FBXL17: variants seen among roughly 807,000 people sequenced by gnomAD.
The protein encoded by FBXL17 is F-box/LRR-repeat protein 17.
In FBXL17, 22 loss-of-function variants were observed where a neutral mutation model predicts 66.2. That is an observed-to-expected ratio of 0.33 (90% CI 0.24 to 0.47). FBXL17 has a LOEUF of 0.47. Among genes scored for constraint, FBXL17 ranks in the 20% least tolerant of loss-of-function variants. The probability of loss-of-function intolerance (pLI) is 1.00; values close to 1 mark genes in which losing one functional copy is unlikely to be tolerated. For missense variants in FBXL17, 878 were observed against 948.2 expected (o/e 0.93, Z 0.97); for synonymous variants, 474 against 400.5 (o/e 1.18, Z -2.19).
intron 4 of FBXL17, among the ~76,000 whole-genome samples, chr5:108,249,364 T>C (rs1561487633): frequency 6.6e-6 from 1 of 152,188 alleles, no homozygotes; most frequent in Non-Finnish European, 1.5e-5. Flanking sequence ...ACATTATTTT[T>C]AAACATGAGA....
chr5:108,300,713 C>T (rs1037049259), intron 4 of FBXL17, among the ~76,000 whole-genome samples: 4 of 151,298 alleles, frequency 2.6e-5, no homozygotes, highest in African/African-American at 9.7e-5. Context: ...TTCTCATTCA[C>T]CCACAAATAA....
intron 7 of FBXL17, among the ~76,000 whole-genome samples, chr5:108,019,217 T>C (rs1233605598): frequency 1.3e-5 from 2 of 152,244 alleles, no homozygotes; most frequent in African/African-American, 4.8e-5. Context: ...ACTGAGGAAA[T>C]GGAGTGTCCT....
chr5:107,938,723 A>G (rs1366748456), intron 7 of FBXL17, among the ~76,000 whole-genome samples: 1 of 152,120 alleles, frequency 6.6e-6, no homozygotes, highest in Non-Finnish European at 1.5e-5. Context: ...GACATTCTCC[A>G]TATGTTGCCC....
intron 7 of FBXL17, among the ~76,000 whole-genome samples, chr5:108,018,914 A>G (rs1754482753): frequency 1.3e-5 from 2 of 152,204 alleles, no homozygotes; most frequent in Non-Finnish European, 2.9e-5. Flanking sequence ...TTATACGTCA[A>G]TATGTTTTAG....
chr5:107,947,838 C>G (rs1751365332), intron 7 of FBXL17, among the ~76,000 whole-genome samples: 1 of 152,104 alleles, frequency 6.6e-6, no homozygotes, highest in Admixed American at 6.6e-5. Flanking sequence ...AGCTAAAGTT[C>G]TATGAATCTC....
At chr5:107,926,649 GC>G (rs1183415537) in intron 7 of FBXL17, among the ~76,000 whole-genome samples, 1 of 151,550 alleles carries the variant, frequency 6.6e-6, no homozygotes, top group African/African-American at 2.4e-5. Context: ...TAATTAGCTA[GC>G]CTATGATAGG....
At chr5:108,149,983 A>G (rs889575525) in intron 6 of FBXL17, among the ~76,000 whole-genome samples, 7 of 152,206 alleles carry the variant, frequency 4.6e-5, no homozygotes, top group African/African-American at 1.7e-4. Context: ...AACATACTAA[A>G]AAAAGAAAGA....
At chr5:108,320,401 T>A (rs1482020430) in intron 4 of FBXL17, among the ~76,000 whole-genome samples, 1 of 151,624 alleles carries the variant, frequency 6.6e-6, no homozygotes, top group East Asian at 1.9e-4. Context: ...TTGAATCAAG[T>A]GATTGTAACT....
intron 6 of FBXL17, among the ~76,000 whole-genome samples, chr5:108,055,608 CAAAAA>C (rs55653715): frequency 3.9e-5 from 2 of 51,146 alleles, no homozygotes; most frequent in Admixed American, 2.6e-4. Flanking sequence ...GACTCTGTCT[CAAAAA>C]AAAAAAAAAA....
intron 3 of FBXL17, among the ~76,000 whole-genome samples, chr5:108,361,621 C>G (rs1580890757): frequency 6.6e-6 from 1 of 152,078 alleles, no homozygotes; most frequent in East Asian, 1.9e-4. Flanking sequence ...AAACTCTCTC[C>G]CAGGCTCTTT....
intron 4 of FBXL17, among the ~76,000 whole-genome samples, chr5:108,247,615 TATAA>T (rs949445418): frequency 2.0e-5 from 3 of 152,202 alleles, no homozygotes; most frequent in African/African-American, 7.2e-5. Context: ...ATATTTTAAA[TATAA>T]ATAAGTCTTT....
At chr5:108,375,623 G>T (rs888750307) in intron 1 of FBXL17, among the ~76,000 whole-genome samples, 2 of 152,034 alleles carry the variant, frequency 1.3e-5, no homozygotes, top group African/African-American at 4.8e-5. Flanking sequence ...TAAAAAGATG[G>T]AATATGTAAT....
intron 4 of FBXL17, among the ~76,000 whole-genome samples, chr5:108,281,639 A>G (rs1194174266): frequency 6.6e-6 from 1 of 151,824 alleles, no homozygotes; most frequent in Non-Finnish European, 1.5e-5. Flanking sequence ...AAAAGCAAGA[A>G]TAAAATAAAC....
intron 6 of FBXL17, among the ~76,000 whole-genome samples, chr5:108,146,453 C>T (rs532052598): frequency 5.9e-5 from 9 of 152,274 alleles, no homozygotes; most frequent in African/African-American, 2.2e-4. Flanking sequence ...CAGCTCAGTT[C>T]TTGGAATGCC....
intron 6 of FBXL17, among the ~76,000 whole-genome samples, chr5:108,083,889 G>A (rs1748872252): frequency 6.6e-6 from 1 of 152,154 alleles, no homozygotes; most frequent in African/African-American, 2.4e-5. Context: ...TCCACAGCTT[G>A]GAGACTGGTG....
At chr5:107,909,046 G>C (rs1749859776) in intron 7 of FBXL17, among the ~76,000 whole-genome samples, 1 of 152,112 alleles carries the variant, frequency 6.6e-6, no homozygotes, top group Non-Finnish European at 1.5e-5. Context: ...AGTCTCATTT[G>C]TACACTTAAA....
chr5:108,160,949 C>T (rs1752187609), intron 6 of FBXL17, among the ~76,000 whole-genome samples: 1 of 152,050 alleles, frequency 6.6e-6, no homozygotes, highest in Non-Finnish European at 1.5e-5. Flanking sequence ...AGAACAAGAA[C>T]GCTTTTCTTC....
intron 6 of FBXL17, among the ~76,000 whole-genome samples, chr5:108,078,163 G>C (rs1218107139): frequency 6.6e-6 from 1 of 152,178 alleles, no homozygotes; most frequent in Non-Finnish European, 1.5e-5. Flanking sequence ...TCGCCCATCT[G>C]CAATGCCACC....
intron 4 of FBXL17, among the ~76,000 whole-genome samples, chr5:108,331,977 A>G (rs1040214297): frequency 6.6e-6 from 1 of 152,244 alleles, no homozygotes; most frequent in African/African-American, 2.4e-5. Flanking sequence ...TAAAAGTTAG[A>G]ATCGAATAGT....
Sources: gnomAD v4.1 joint callset for allele counts (sites outside exome capture counted in the v4.1 genomes callset) on GRCh38, gnomAD v4.1.1 for gene constraint, MANE v1.5 for transcripts, NCBI Gene and HGNC (gene_info 2026-07-23, HGNC 2026-07-21) for gene names.